Variants in ACP3 observed in about 807,000 individuals in gnomAD.
ACP3 encodes the protein prostatic acid phosphatase.
A neutral mutation model predicts 45.6 loss-of-function variants in ACP3; 38 were observed. That is an observed-to-expected ratio of 0.83 (90% CI 0.64 to 1.09). ACP3 has a LOEUF of 1.09. ACP3 is among the 50% of genes least tolerant of loss of function. The probability of loss-of-function intolerance (pLI) is 0.00; values close to 1 mark genes in which losing one functional copy is unlikely to be tolerated. For synonymous variants in ACP3, 162 were observed against 164.7 expected, an observed-to-expected ratio of 0.98 and a Z score of 0.13; for missense variants, 466 against 463.2, an observed-to-expected ratio of 1.01 and a Z score of -0.05.
intron 5 of ACP3, among the ~76,000 whole-genome samples, chr3:132,339,579 G>A (rs1354817941): frequency 1.3e-5 from 2 of 152,178 alleles, no homozygotes; most frequent in Non-Finnish European, 2.9e-5. Flanking sequence ...AGTTTGCAGG[G>A]GCAGCTCACA....
chr3:132,366,865 C>T (rs2107825952), intron 10 of ACP3, among the ~76,000 whole-genome samples: 1 of 152,238 alleles, frequency 6.6e-6, no homozygotes, highest in Non-Finnish European at 1.5e-5. Flanking sequence ...TTCTTATTTT[C>T]CTCATTCTCT....
chr3:132,320,633 A>T (rs1333617437), intron 1 of ACP3, among the ~76,000 whole-genome samples: 3 of 147,516 alleles, frequency 2.0e-5, no homozygotes, highest in Non-Finnish European at 3.0e-5. Context: ...TTCTTAATCA[A>T]GTAATATAAT....
chr3:132,350,080 TA>T (rs1435506173), intron 8 of ACP3, 78 bp downstream of exon 8: 35 of 1,026,994 alleles, frequency 3.4e-5, no homozygotes, highest in Non-Finnish European at 4.3e-5. Context: ...CATCTTTTTT[TA>T]ATCTTCATTT....
chr3:132,343,994 C>T (rs11706447), intron 6 of ACP3, among the ~76,000 whole-genome samples: 72,883 of 151,780 alleles, frequency 0.48, 18,155 homozygotes, highest in Middle Eastern at 0.66. Flanking sequence ...AAATTAGCCA[C>T]GTGTGGCCAG....
At chr3:132,325,997 G>C (rs1937292375) in intron 1 of ACP3, among the ~76,000 whole-genome samples, 1 of 152,182 alleles carries the variant, frequency 6.6e-6, no homozygotes, top group African/African-American at 2.4e-5. Context: ...TGTGGTTATA[G>C]GTTGGTGGGA....
rs1045757530 is a variant in ACP3 at position 132,357,985 on chromosome 3, G to C, written c.*1107G>C. 1.3e-5 allele frequency: 2 copies of C among 158,796 alleles called. No individual in the cohort carries two copies. Among genetic ancestry groups the C allele is most frequent in the African/African-American group, 4.8e-5 (2 of 41,406 alleles). The allele number at this position is 158,796 out of a possible 1,614,324, so 9.8% of individuals were successfully genotyped here. ...GGAGGTCGAGGCTACAGTGAGCCAA[G>C]AGTGCACTACTGTACTCCAGCCAGG... On this transcript the variant is annotated 3_prime_UTR_variant, in exon 10 of 10. Transcript: ENST00000336375.
At position 132,352,795 on chromosome 3, in the gene ACP3, CACTTG is replaced by C. The variant is rs1937784728; in HGVS notation, c.943_947del (p.Leu315GlyfsTer5). On this transcript the variant is annotated frameshift_variant, in exon 9 of 10. Transcript: ENST00000336375. LOFTEE classifies it low-confidence loss of function (END_TRUNC). ...ACTCCTTCCTCCCTATGCTTCTTGC[CACTTG>C]ACGGAATTGTACTTTGAGAAGGGGT... 7 of 1,613,070 alleles carry C rather than the reference CACTTG, an allele frequency of 4.3e-6. No individual in the cohort carries two copies. Among genetic ancestry groups the C allele is most frequent in the Non-Finnish European group, 5.9e-6 (7 of 1,179,098 alleles).
Position 132,337,540 on chromosome 3 carries a change from C to T in ACP3, c.541C>T (p.Leu181=), listed in dbSNP as rs200942795. 7 of 1,607,942 alleles carry T rather than the reference C, an allele frequency of 4.4e-6. No individual in the cohort carries two copies. The highest frequency in any genetic ancestry group is 6.0e-6 in the Non-Finnish European group (7 of 1,175,164). The change falls in exon 5 of 10, where the codon CTG becomes TTG. Residue 181 remains leucine, a synonymous_variant. Coordinates refer to ENST00000336375, the MANE Select transcript of ACP3 (RefSeq NM_001099.5). Reference sequence around the variant, plus strand: ...GAAATCAGAGGAATTCCAGAAGAGGCTGCACCCTTATAAGGTTAAAAGCTA... The same window carrying T: ...GAAATCAGAGGAATTCCAGAAGAGGTTGCACCCTTATAAGGTTAAAAGCTA... ...TLKSEEFQKR[L]HPYKDFIATL... is the part of the protein sequence containing the mutation.
chr3:132,363,674 C>T (rs1576432096), downstream of ACP3, among the ~76,000 whole-genome samples: 1 of 152,238 alleles, frequency 6.6e-6, no homozygotes, highest in East Asian at 1.9e-4. Flanking sequence ...CACGGTGGCT[C>T]ATGCCTATAA....
rs946349450 is a variant in ACP3 at position 132,320,355 on chromosome 3, C to G, written c.120+2779C>G. On this transcript the variant is annotated intron_variant, in intron 1 of 9. Coordinates refer to ENST00000336375, the MANE Select transcript of ACP3 (RefSeq NM_001099.5). Reference sequence around the variant, plus strand: ...ATCAACCAGCTTCAAAGACTATCACCCATGCAATCTTGTTTCATCTGCATA... The same window carrying G: ...ATCAACCAGCTTCAAAGACTATCACGCATGCAATCTTGTTTCATCTGCATA... Among the ~76,000 whole-genome samples the G allele has an allele frequency of 1.1e-4, 17 of 152,246 alleles. 2 individuals are homozygous for G. The highest frequency in any genetic ancestry group is 3.3e-4 in the Admixed American group (5 of 15,300).
At chr3:132,358,924 A>G (rs1937980363), downstream of ACP3, 1 of 952,002 alleles carries the variant, frequency 1.1e-6, no homozygotes. Flanking sequence ...GACTGGCTTA[A>G]ATGAACATTT....
At chr3:132,338,944 G>T (rs1937522262) in intron 5 of ACP3, among the ~76,000 whole-genome samples, 2 of 152,054 alleles carry the variant, frequency 1.3e-5, no homozygotes, top group Admixed American at 1.3e-4. Flanking sequence ...CATGTGTCAT[G>T]GGGGTTTGTT....
intron 5 of ACP3, among the ~76,000 whole-genome samples, chr3:132,341,420 AT>A (rs1221550352): frequency 6.6e-6 from 1 of 152,192 alleles, no homozygotes; most frequent in African/African-American, 2.4e-5. Context: ...AATTACAATG[AT>A]TGATTACATT....
At chr3:132,348,710 A>T (rs975185621) in intron 7 of ACP3, among the ~76,000 whole-genome samples, 1 of 152,120 alleles carries the variant, frequency 6.6e-6, no homozygotes, top group African/African-American at 2.4e-5. Context: ...AGGGATTTAG[A>T]CCTGTTAGAC....
downstream of ACP3, among the ~76,000 whole-genome samples, chr3:132,361,948 T>C (rs1229636259): frequency 2.6e-5 from 4 of 152,158 alleles, no homozygotes; most frequent in Admixed American, 1.3e-4. Flanking sequence ...TCCCTTATAC[T>C]ACGAAAATGC....
chr3:132,324,118 T>G (rs1184450372), intron 1 of ACP3, among the ~76,000 whole-genome samples: 1 of 148,652 alleles, frequency 6.7e-6, no homozygotes. Flanking sequence ...CTTGGGAGGG[T>G]GAGGCAGGAA....
chr3:132,322,904 C>T (rs1335868685), intron 1 of ACP3, among the ~76,000 whole-genome samples: 3 of 152,182 alleles, frequency 2.0e-5, no homozygotes, highest in East Asian at 1.9e-4. Flanking sequence ...GGTGAGTTAT[C>T]ATGTCAGTGA....
At chr3:132,334,295 C>G (rs1317051207) in intron 4 of ACP3, among the ~76,000 whole-genome samples, 4 of 152,184 alleles carry the variant, frequency 2.6e-5, no homozygotes, top group Non-Finnish European at 5.9e-5. Context: ...TTCCATCTAT[C>G]TGATTCACTA....
chr3:132,336,812 G>A (rs1219712930), intron 4 of ACP3, among the ~76,000 whole-genome samples: 4 of 151,962 alleles, frequency 2.6e-5, no homozygotes, highest in Non-Finnish European at 5.9e-5. Context: ...TGGAAAGTAA[G>A]GGCAACAAAA....
Sources: allele counts gnomAD v4.1 joint callset (sites outside exome capture counted in the v4.1 genomes callset), GRCh38; gene constraint gnomAD v4.1.1; transcripts MANE v1.5; gene names NCBI Gene and HGNC (gene_info 2026-07-23, HGNC 2026-07-21).